GPM6B: variants seen among roughly 807,000 people sequenced by gnomAD.
The protein encoded by GPM6B is neuronal membrane glycoprotein M6-b.
Under a neutral mutation model 27.2 loss-of-function variants are expected in GPM6B, and 4 were observed. That is an observed-to-expected ratio of 0.15 (90% confidence interval 0.07 to 0.34). The LOEUF (loss-of-function observed/expected upper bound fraction) is 0.34, where lower values mean the gene tolerates loss of function less well. GPM6B is among the 10% of genes least tolerant of loss of function. GPM6B has a pLI of 1.00. For synonymous variants in GPM6B, 124 were observed against 103.1 expected, an observed-to-expected ratio of 1.20 and a Z score of -1.23; for missense variants, 183 against 261.9, an observed-to-expected ratio of 0.70 and a Z score of 2.08.
intron 1 of GPM6B, among the ~76,000 whole-genome samples, chrX:13,917,930 T>C: frequency 1.8e-5 from 2 of 112,638 alleles, no homozygotes; most frequent in Non-Finnish European, 3.7e-5. Context: ...TTCAGCAGGA[T>C]GTTCACTTGC....
At chrX:13,865,541 TCAAAAAA>T (rs1328888728) in intron 1 of GPM6B, among the ~76,000 whole-genome samples, 1 of 3,115 alleles carries the variant, frequency 3.2e-4, no homozygotes, top group African/African-American at 7.2e-4. Context: ...ATCCATCTCT[TCAAAAAA>T]AAAAAAAAAA....
chrX:13,774,659 C>G (rs1396574406), intron 7 of GPM6B: 4 of 1,086,830 alleles, frequency 3.7e-6, no homozygotes, highest in Middle Eastern at 2.5e-4. Context: ...CAGTAAGATA[C>G]AGGCAGTGAG....
At chrX:13,833,704 G>T (rs1475246897) in intron 1 of GPM6B, among the ~76,000 whole-genome samples, 2 of 111,699 alleles carry the variant, frequency 1.8e-5, no homozygotes, top group East Asian at 5.6e-4. Context: ...TCCAGCCTGG[G>T]TGACAAAGAG....
At chrX:13,858,695 C>T (rs913872843) in intron 1 of GPM6B, among the ~76,000 whole-genome samples, 2 of 111,737 alleles carry the variant, frequency 1.8e-5, no homozygotes, top group Admixed American at 9.5e-5. Context: ...TTATCCAACA[C>T]TTTCAAGTCT....
chrX:13,867,358 C>T (rs892311096), intron 1 of GPM6B, among the ~76,000 whole-genome samples: 1 of 112,369 alleles, frequency 8.9e-6, no homozygotes, highest in Non-Finnish European at 1.9e-5. Flanking sequence ...GATCCACCCA[C>T]CTCAGCCTCC....
chrX:13,877,824 CAA>C (rs761891419), intron 1 of GPM6B, among the ~76,000 whole-genome samples: 8 of 27,463 alleles, frequency 2.9e-4, no homozygotes, highest in African/African-American at 9.2e-4. Context: ...CAGACTCTGC[CAA>C]AAAAAAAAAA....
upstream of GPM6B, among the ~76,000 whole-genome samples, chrX:13,818,903 CAA>C (rs1266673548): frequency 8.9e-6 from 1 of 112,322 alleles, no homozygotes; most frequent in Non-Finnish European, 1.9e-5. Flanking sequence ...CAATTCAGCA[CAA>C]AAGAGGACAC....
At chrX:13,921,534 G>A (rs1199999897) in intron 1 of GPM6B, among the ~76,000 whole-genome samples, 8 of 109,757 alleles carry the variant, frequency 7.3e-5, no homozygotes, top group African/African-American at 2.7e-4. Context: ...CATGGCCAGA[G>A]AGTAGCAGCT....
chrX:13,773,044 G>GT lies in GPM6B; in HGVS notation c.838-15dup, dbSNP rs2048328850. The GT allele has an allele frequency of 8.3e-7, 1 of 1,202,746 alleles. No individual in the cohort carries two copies. Among genetic ancestry groups the GT allele is most frequent in the African/African-American group, 1.8e-5 (1 of 57,046 alleles). On this transcript the variant is annotated splice_polypyrimidine_tract_variant and intron_variant, in intron 7 of 7. Coordinates refer to ENST00000316715, the MANE Select transcript of GPM6B (RefSeq NM_001001995.3). ...GAGGAAGTGGATCTGGAAGAGAAGG[G>GT]TGAGCATGATGGCTAGTGAGCATTG...
chrX:13,870,194 C>T (rs1174853820), intron 1 of GPM6B, among the ~76,000 whole-genome samples: 1 of 112,242 alleles, frequency 8.9e-6, no homozygotes, highest in Non-Finnish European at 1.9e-5. Flanking sequence ...TTACTCATGA[C>T]ATTAACCTTG....
chrX:13,879,251 G>A (rs928626058), intron 1 of GPM6B, among the ~76,000 whole-genome samples: 7 of 112,040 alleles, frequency 6.2e-5, no homozygotes, highest in African/African-American at 1.9e-4. Context: ...TCTGCTTTCC[G>A]TAAGCAGGTC....
At chrX:13,797,255 C>T (rs193118360) in intron 2 of GPM6B, among the ~76,000 whole-genome samples, 26 of 110,352 alleles carry the variant, frequency 2.4e-4, no homozygotes, top group African/African-American at 5.9e-4. Flanking sequence ...GTGAGGGGGG[C>T]GGTAAGACAC....
At chrX:13,815,757 T>C (rs934905072) in intron 1 of GPM6B, among the ~76,000 whole-genome samples, 31 of 112,218 alleles carry the variant, frequency 2.8e-4, no homozygotes, top group Non-Finnish European at 5.1e-4. Flanking sequence ...CTGAAGTACA[T>C]GTAATTGCCG....
At chrX:13,794,824 T>G (rs1296156234) in intron 2 of GPM6B, among the ~76,000 whole-genome samples, 1 of 112,234 alleles carries the variant, frequency 8.9e-6, no homozygotes, top group Non-Finnish European at 1.9e-5. Context: ...CAGAGAGCCC[T>G]TCTACCACAA....
At position 13,772,855 on chromosome X, in the gene GPM6B, G is replaced by A. The variant is rs1204229070; in HGVS notation, c.*26C>T. On this transcript the variant is annotated 3_prime_UTR_variant, in exon 8 of 8. Coordinates refer to ENST00000316715, the MANE Select transcript of GPM6B (RefSeq NM_001001995.3). The stretch of plus-strand genomic sequence containing the variant: ...GATGATTTGTCAGAGCTGTAAATAC[G>A]TCGGCCGAAACACTCTGGCAAACAT... The A allele has an allele frequency of 9.2e-6, 11 of 1,200,510 alleles. No homozygotes were observed. The highest frequency in any genetic ancestry group is 3.0e-5 in the East Asian group (1 of 33,796).
intron 1 of GPM6B, among the ~76,000 whole-genome samples, chrX:13,928,465 A>G (rs933941202): frequency 8.9e-6 from 1 of 112,630 alleles, no homozygotes; most frequent in African/African-American, 3.2e-5. Context: ...GCAAAATGGT[A>G]AGAATTCATA....
rs902421724 is a variant in GPM6B, at chrX:13,772,574, A to C, written c.*307T>G. 4.2e-6 allele frequency: 1 copy of C among 238,581 alleles called. No homozygotes were observed. Among genetic ancestry groups the C allele is most frequent in the African/African-American group, 2.8e-5 (1 of 36,348 alleles). 19.7% of individuals were successfully genotyped at this position (238,581 alleles called of 1,213,427 possible). A position where few individuals can be genotyped will look rare whatever the true frequency, so the allele number is the denominator to read the frequency against. On this transcript the variant is annotated 3_prime_UTR_variant, in exon 8 of 8. Coordinates refer to ENST00000316715, the MANE Select transcript of GPM6B (RefSeq NM_001001995.3). ...TTAAGGAGTGTGACATATTCCATTG[A>C]GTGTCTTGGTAGAATTGCCCTAGCA...
intron 1 of GPM6B, among the ~76,000 whole-genome samples, chrX:13,827,271 CTTTTTTTTTTTTTTTTTT>C (rs1173680918): frequency 1.4e-5 from 1 of 73,645 alleles, no homozygotes; most frequent in Non-Finnish European, 2.5e-5. Context: ...TACCGACTTC[CTTTTTTTTTTTTTTTTTT>C]TTTTTCTTTT....
chrX:13,793,890 C>T (rs2048759786), intron 2 of GPM6B, among the ~76,000 whole-genome samples: 1 of 111,746 alleles, frequency 8.9e-6, no homozygotes, highest in African/African-American at 3.3e-5. Context: ...CTCCTCATGG[C>T]CTGCAAACTC....
Sources: gnomAD v4.1 joint callset for allele counts (sites outside exome capture counted in the v4.1 genomes callset) on GRCh38, gnomAD v4.1.1 for gene constraint, MANE v1.5 for transcripts, NCBI Gene and HGNC (gene_info 2026-07-23, HGNC 2026-07-21) for gene names.